The following PCDHGC3 variants were observed in gnomAD, a reference collection of about 807,000 sequenced individuals.
PCDHGC3 encodes protocadherin gamma-C3.
A neutral mutation model predicts 59.2 loss-of-function variants in PCDHGC3; 26 were observed. That is an observed-to-expected ratio of 0.44 (90% CI 0.32 to 0.61). The LOEUF (loss-of-function observed/expected upper bound fraction) is 0.61, where lower values mean the gene tolerates loss of function less well. Among genes scored for constraint, PCDHGC3 ranks in the 20% least tolerant of loss-of-function variants. The pLI, the probability that PCDHGC3 is intolerant of heterozygous loss-of-function variation, is 0.05. For synonymous variants in PCDHGC3, 487 were observed against 519.7 expected (o/e 0.94, Z 0.86); for missense variants, 1,080 against 1,221.8 (o/e 0.88, Z 1.73).
intron 3 of PCDHGC3, among the ~76,000 whole-genome samples, chr5:141,509,092 G>T (rs943269087): frequency 1.3e-5 from 2 of 152,180 alleles, no homozygotes; most frequent in African/African-American, 4.8e-5. Context: ...TGAAATGGGG[G>T]CTGTAGAAAC....
chr5:141,510,813 C>T, intron 3 of PCDHGC3, 134 bp from the exon 4 acceptor site: 1 of 1,537,024 alleles, frequency 6.5e-7, no homozygotes, highest in South Asian at 1.2e-5. Flanking sequence ...CTTGGTGACC[C>T]CTATATTCCC....
chr5:141,477,845 GT>G lies in PCDHGC3; in HGVS notation c.1730del (p.Val577GlyfsTer13), dbSNP rs1562065234. ...ATATCCTCGGCCAGGTGGGAGCTCG[GT>G]GGAGATGCTGCCTCGAGGTACCTCA... is the stretch of plus-strand genomic sequence containing the variant. ...VLYPRPGGSSVEMLPRGTSAG... is the reference protein window; with the variant it reads ...VLYPRPGGSSXEMLPRGTSAG... On this transcript the variant is annotated frameshift_variant, in exon 1 of 4. Coordinates refer to ENST00000308177, the MANE Select transcript of PCDHGC3 (RefSeq NM_002588.4). LOFTEE classifies it high-confidence loss of function. This position sits in a 1 kb window ranked among gnomAD's most constrained non-coding sequence, Gnocchi z 4.9. 1 of 1,614,038 alleles carries G rather than the reference GT, an allele frequency of 6.2e-7. No homozygotes were observed. Among genetic ancestry groups the G allele is most frequent in the East Asian group, 2.2e-5 (1 of 44,896 alleles).
Position 141,493,891 on chromosome 5 carries a change from G to A in PCDHGC3, c.2431-916G>A, listed in dbSNP as rs1595204910. On this transcript the variant is annotated intron_variant, in intron 1 of 3. Transcript: ENST00000308177. The surrounding 1 kb of genome is among the most constrained non-coding windows in gnomAD (Gnocchi z 4.3). ...CCAGTGAGGAGGTGGCTCTAGGAGT[G>A]CTCCATGAGAGTGTGTGATGGGATA... Among the ~76,000 whole-genome samples, 1 of 152,300 alleles carries A rather than the reference G, an allele frequency of 6.6e-6. No homozygotes were observed. The highest frequency in any genetic ancestry group is 1.5e-5 in the Non-Finnish European group (1 of 68,018).
At chr5:141,482,675 A>G (rs1258898440) in intron 1 of PCDHGC3, among the ~76,000 whole-genome samples, 1 of 149,114 alleles carries the variant, frequency 6.7e-6, no homozygotes, top group African/African-American at 2.5e-5. Context: ...AAGGTTGAGT[A>G]GTAGCTTGTC....
chr5:141,500,430 C>T (rs2099800127), intron 2 of PCDHGC3, among the ~76,000 whole-genome samples: 1 of 151,676 alleles, frequency 6.6e-6, no homozygotes, highest in African/African-American at 2.4e-5. Context: ...AGGATGGTCT[C>T]GATCTCCTGA....
At position 141,491,117 on chromosome 5, in the gene PCDHGC3, G is replaced by A; in HGVS notation, c.2431-3690G>A. ...CTGTTCCTCGTGTCTACACACACTGGTGAGGTGCGCACAGCCCGGGCCTTA... is the reference window on the plus strand; with the variant it reads ...CTGTTCCTCGTGTCTACACACACTGATGAGGTGCGCACAGCCCGGGCCTTA... On this transcript the variant is annotated intron_variant, in intron 1 of 3. Coordinates refer to ENST00000308177, the MANE Select transcript of PCDHGC3 (RefSeq NM_002588.4). The surrounding 1 kb of genome is among the most constrained non-coding windows in gnomAD (Gnocchi z 6.9). 1 of 1,614,196 alleles carries A rather than the reference G, an allele frequency of 6.2e-7. No homozygotes were observed.
chr5:141,477,572 G>T lies in PCDHGC3; in HGVS notation c.1456G>T (p.Ala486Ser), dbSNP rs375416133. The T allele has an allele frequency of 6.2e-7, 1 of 1,614,112 alleles. No homozygotes were observed. Among genetic ancestry groups the T allele is most frequent in the South Asian group, 1.1e-5 (1 of 91,072 alleles). ...AAACCTAAGTGTCTGGGACCCCGAC[G>T]CCCCGCAGAATGCTCGGCTTTCTTT... ...ILNLSVWDPD[A>S]PQNARLSFFL... The change falls in exon 1 of 4, where the codon GCC (alanine) becomes TCC (serine). Residue 486 changes from alanine to serine, a missense_variant. Ala to Ser is a moderately conservative substitution (Grantham distance 99). Transcript: ENST00000308177. The surrounding 1 kb of genome is among the most constrained non-coding windows in gnomAD (Gnocchi z 4.9).
At position 141,487,033 on chromosome 5, in the gene PCDHGC3, A is replaced by C. The variant is rs1465525110; in HGVS notation, c.2431-7774A>C. ...AGGCCCCAGATCCCAGCCTGTTTGC[A>C]GTCTCTCGATATGCTGGGGAGGTGC... On this transcript the variant is annotated intron_variant, in intron 1 of 3. Transcript: ENST00000308177. This position sits in a 1 kb window ranked among gnomAD's most constrained non-coding sequence, Gnocchi z 5.0. 3 of 1,614,160 alleles carry C rather than the reference A, an allele frequency of 1.9e-6. No individual in the cohort carries two copies. Among genetic ancestry groups the C allele is most frequent in the Non-Finnish European group, 2.5e-6 (3 of 1,180,032 alleles).
intron 2 of PCDHGC3, among the ~76,000 whole-genome samples, chr5:141,504,713 G>A (rs1443171981): frequency 1.3e-5 from 2 of 151,850 alleles, no homozygotes; most frequent in African/African-American, 2.4e-5. Context: ...TATGGCCGTG[G>A]ATTTTACTCT....
At chr5:141,482,862 A>G (rs1169526338) in intron 1 of PCDHGC3, among the ~76,000 whole-genome samples, 1 of 152,180 alleles carries the variant, frequency 6.6e-6, no homozygotes, top group Non-Finnish European at 1.5e-5. Context: ...ACTTGAGGTC[A>G]GGAGTTTGAA....
In PCDHGC3 at chr5:141,476,218, C is replaced by G. The variant is rs1562052166; in HGVS notation, c.102C>G (p.His34Gln). The change falls in exon 1 of 4, where the codon CAC becomes CAG. Residue 34 changes from histidine (H) to glutamine (Q), a missense_variant. Transcript: ENST00000308177. The surrounding 1 kb of genome is among the most constrained non-coding windows in gnomAD (Gnocchi z 7.6). ...TGAACAAGGCTTCCACGGTCATTCA[C>G]TATGAGATCCCGGAGGAAAGAGAGA... is the stretch of plus-strand genomic sequence containing the variant. The part of the protein sequence containing the change: ...GALNKASTVI[H>Q]YEIPEEREKG... 1 of 1,613,984 alleles carries G rather than the reference C, an allele frequency of 6.2e-7. No homozygotes were observed.
intron 1 of PCDHGC3, chr5:141,479,186 T>C (rs956575218): frequency 3.3e-5 from 5 of 152,590 alleles, no homozygotes; most frequent in Admixed American, 3.3e-4. Flanking sequence ...GCTAGAAAAT[T>C]CAGAAAATAC....
chr5:141,499,565 C>T (rs1291006795), intron 2 of PCDHGC3, among the ~76,000 whole-genome samples: 1 of 152,168 alleles, frequency 6.6e-6, no homozygotes, highest in East Asian at 1.9e-4. Flanking sequence ...CACTATCCAG[C>T]TTCAACTAAT....
At chr5:141,507,815 C>G (rs936926937) in intron 3 of PCDHGC3, among the ~76,000 whole-genome samples, 2 of 152,204 alleles carry the variant, frequency 1.3e-5, no homozygotes, top group African/African-American at 4.8e-5. Context: ...GGAACGGACC[C>G]TGGGGGTGGA....
chr5:141,501,836 T>G (rs2099811283), intron 2 of PCDHGC3, among the ~76,000 whole-genome samples: 1 of 152,136 alleles, frequency 6.6e-6, no homozygotes, highest in Non-Finnish European at 1.5e-5. Context: ...CCCACCTGTT[T>G]GGCCCTCAAC....
chr5:141,491,898 G>A lies in PCDHGC3; in HGVS notation c.2431-2909G>A, dbSNP rs772673872. 1.6e-5 allele frequency: 23 copies of A among 1,428,816 alleles called. No homozygotes were observed. The highest frequency in any genetic ancestry group is 3.0e-5 in the South Asian group (2 of 66,966). The allele number at this position is 1,428,816 out of a possible 1,614,324, so 88.5% of individuals were successfully genotyped here. A position where few individuals can be genotyped will look rare whatever the true frequency, so the allele number is the denominator to read the frequency against. ...ATTAAGGGATGGGGCTCCGAGCACC[G>A]GGGGTGGTGGCGACTGTGGGCGAGG... On this transcript the variant is annotated intron_variant, in intron 1 of 3. Coordinates refer to ENST00000308177, the MANE Select transcript of PCDHGC3 (RefSeq NM_002588.4). This position sits in a 1 kb window ranked among gnomAD's most constrained non-coding sequence, Gnocchi z 6.9.
At position 141,476,602 on chromosome 5, in the gene PCDHGC3, C is replaced by T; in HGVS notation, c.486C>T (p.Pro162=). 6.2e-7 allele frequency: 1 copy of T among 1,614,208 alleles called. No homozygotes were observed. Among genetic ancestry groups the T allele is most frequent in the Middle Eastern group, 1.6e-4 (1 of 6,062 alleles). ...TRFPLESAHD[P]DVGSNSLQTY... Reference sequence around the variant, plus strand: ...TTCCGCTCGAGAGCGCGCACGATCCCGATGTGGGAAGCAACTCTTTACAAA... The same window carrying T: ...TTCCGCTCGAGAGCGCGCACGATCCTGATGTGGGAAGCAACTCTTTACAAA... Residue 162 remains proline (P), a synonymous_variant, in exon 1 of 4, where the codon CCC becomes CCT. Coordinates refer to ENST00000308177, the MANE Select transcript of PCDHGC3 (RefSeq NM_002588.4). The surrounding 1 kb of genome is among the most constrained non-coding windows in gnomAD (Gnocchi z 7.6).
chr5:141,483,648 TTGTGTGTGTGTGTG>T (rs111458813), intron 1 of PCDHGC3, among the ~76,000 whole-genome samples: 1 of 149,592 alleles, frequency 6.7e-6, no homozygotes, highest in Non-Finnish European at 1.5e-5. Flanking sequence ...GGGTGTGTGT[TTGTGTGTGTGTGTG>T]TGTGTGTAAA....
At position 141,511,462 on chromosome 5, in the gene PCDHGC3, C is replaced by A. The variant is rs1385398410; in HGVS notation, c.*289C>A. ...AGACACCAAGAACCATTTGCCACAC[C>A]CCGTTTAGTTACAGCTGAACTCCTC... On this transcript the variant is annotated 3_prime_UTR_variant, in exon 4 of 4. Coordinates refer to ENST00000308177, the MANE Select transcript of PCDHGC3 (RefSeq NM_002588.4). The A allele has an allele frequency of 4.7e-5, 26 of 556,350 alleles. No individual in the cohort carries two copies. Among genetic ancestry groups the A allele is most frequent in the Non-Finnish European group, 9.1e-6 (3 of 329,202 alleles). 34.5% of individuals were successfully genotyped at this position (556,350 alleles called of 1,614,324 possible). A position where few individuals can be genotyped will look rare whatever the true frequency, so the allele number is the denominator to read the frequency against.
Sources: allele counts gnomAD v4.1 joint callset (sites outside exome capture counted in the v4.1 genomes callset), GRCh38; gene constraint gnomAD v4.1.1; non-coding constraint Gnocchi (gnomAD v3.1); transcripts MANE v1.5; gene names NCBI Gene and HGNC (gene_info 2026-07-23, HGNC 2026-07-21).